Variants in SGCZ observed in about 807,000 individuals in gnomAD.
SGCZ encodes the protein sarcoglycan zeta.
A neutral mutation model predicts 41.3 loss-of-function variants in SGCZ; 40 were observed. The ratio of observed to expected loss-of-function variants is 0.97; its 90% CI spans 0.75 to 1.26. The LOEUF is 1.26. SGCZ is among the 50% of genes most tolerant of loss of function. The probability of loss-of-function intolerance (pLI) is 0.00; values close to 1 mark genes in which losing one functional copy is unlikely to be tolerated. For synonymous variants in SGCZ, 206 were observed against 137.5 expected, an observed-to-expected ratio of 1.50 and a Z score of -3.49; for missense variants, 552 against 369.8, an observed-to-expected ratio of 1.49 and a Z score of -4.04.
chr8:15,003,797 G>A (rs1802508049), intron 1 of SGCZ, among the ~76,000 whole-genome samples: 1 of 152,004 alleles, frequency 6.6e-6, no homozygotes, highest in African/African-American at 2.4e-5. Flanking sequence ...TCATGCCCAG[G>A]CCCAGTGAGT....
At chr8:14,372,571 G>A (rs2117165609) in intron 2 of SGCZ, among the ~76,000 whole-genome samples, 2 of 152,276 alleles carry the variant, frequency 1.3e-5, no homozygotes, top group Admixed American at 1.3e-4. Context: ...AGGAAGTACA[G>A]GTGGGTTAAG....
chr8:14,870,228 T>C (rs995998827), intron 1 of SGCZ, among the ~76,000 whole-genome samples: 4 of 152,060 alleles, frequency 2.6e-5, no homozygotes, highest in Non-Finnish European at 5.9e-5. Flanking sequence ...AACAGATAGA[T>C]AGACCAATGG....
At chr8:14,242,744 T>C (rs750597921) in intron 3 of SGCZ, among the ~76,000 whole-genome samples, 25 of 152,086 alleles carry the variant, frequency 1.6e-4, no homozygotes, top group Non-Finnish European at 3.2e-4. Context: ...ATGACACAGC[T>C]AAAAAAGGTA....
intron 1 of SGCZ, among the ~76,000 whole-genome samples, chr8:15,207,130 A>ATCCCTG (rs1801094070): frequency 6.6e-6 from 1 of 152,208 alleles, no homozygotes; most frequent in Non-Finnish European, 1.5e-5. Flanking sequence ...AATCACTGAA[A>ATCCCTG]TATACAGGGA....
intron 1 of SGCZ, among the ~76,000 whole-genome samples, chr8:14,808,755 A>G (rs1585279510): frequency 1.3e-5 from 2 of 151,960 alleles, no homozygotes; most frequent in African/African-American, 4.8e-5. Context: ...ACTATAAATC[A>G]TGCTGCTATA....
intron 1 of SGCZ, among the ~76,000 whole-genome samples, chr8:15,077,923 G>T (rs1326672211): frequency 6.7e-6 from 1 of 148,988 alleles, no homozygotes; most frequent in African/African-American, 2.5e-5. Flanking sequence ...ATCTTCGACT[G>T]GTCCCACAAG....
At chr8:15,133,528 T>A (rs549048794) in intron 1 of SGCZ, among the ~76,000 whole-genome samples, 1 of 152,312 alleles carries the variant, frequency 6.6e-6, no homozygotes, top group African/African-American at 2.4e-5. Flanking sequence ...TTTTACTCAC[T>A]CTTCTCTGGG....
intron 1 of SGCZ, among the ~76,000 whole-genome samples, chr8:14,923,974 T>G (rs926741274): frequency 6.6e-6 from 1 of 152,148 alleles, no homozygotes; most frequent in Admixed American, 6.5e-5. Flanking sequence ...AGGCAGCAAC[T>G]TCTGGAAAAT....
intron 4 of SGCZ, among the ~76,000 whole-genome samples, chr8:14,230,771 G>T (rs928751352): frequency 2.0e-5 from 3 of 150,454 alleles, no homozygotes; most frequent in African/African-American, 7.3e-5. Flanking sequence ...GGTGGTGGGG[G>T]GGTGGTTACT....
chr8:14,478,658 A>G (rs1801432810), intron 2 of SGCZ, among the ~76,000 whole-genome samples: 1 of 140,588 alleles, frequency 7.1e-6, no homozygotes. Flanking sequence ...AAAATAGAGT[A>G]ACTAAGAGGG....
intron 2 of SGCZ, among the ~76,000 whole-genome samples, chr8:14,394,864 G>C (rs551788047): frequency 8.5e-5 from 13 of 152,068 alleles, no homozygotes; most frequent in African/African-American, 3.1e-4. Context: ...ATGCTTCCAA[G>C]CATTATGTCA....
In SGCZ at chr8:15,152,556, C is replaced by T. The variant is rs373328036; in HGVS notation, c.39+85029G>A. ...GGAGGCAACTTATTGTGAAACACGA[C>T]AGAAGAGCAATGAAAAGCCATTATC... On this transcript the variant is annotated intron_variant, in intron 1 of 7. Transcript: ENST00000382080. Among the ~76,000 whole-genome samples the T allele has an allele frequency of 3.8e-3, 581 of 152,272 alleles. 5 individuals carry two copies. Among genetic ancestry groups the T allele is most frequent in the Middle Eastern group, 0.017 (5 of 292 alleles).
intron 1 of SGCZ, among the ~76,000 whole-genome samples, chr8:14,809,327 T>C (rs1585280139): frequency 6.6e-6 from 1 of 152,264 alleles, no homozygotes; most frequent in African/African-American, 2.4e-5. Context: ...ATATAAGATA[T>C]GCCAGGATCA....
chr8:14,707,494 A>G (rs927885940), intron 1 of SGCZ, among the ~76,000 whole-genome samples: 2 of 152,110 alleles, frequency 1.3e-5, no homozygotes, highest in Non-Finnish European at 1.5e-5. Context: ...CTGCTCAGGA[A>G]TCGATCAGCA....
chr8:14,458,103 C>T (rs1349962037), intron 2 of SGCZ, among the ~76,000 whole-genome samples: 1 of 152,072 alleles, frequency 6.6e-6, no homozygotes, highest in Non-Finnish European at 1.5e-5. Context: ...TGAGAAAAGA[C>T]TAGTACAATG....
At chr8:14,595,878 T>G (rs1346657367) in intron 1 of SGCZ, among the ~76,000 whole-genome samples, 14 of 152,172 alleles carry the variant, frequency 9.2e-5, no homozygotes, top group Admixed American at 7.9e-4. Context: ...TTTCCTGGAC[T>G]CTATGTCAGT....
At chr8:14,466,487 C>T (rs954959138) in intron 2 of SGCZ, among the ~76,000 whole-genome samples, 2 of 151,884 alleles carry the variant, frequency 1.3e-5, no homozygotes, top group South Asian at 2.1e-4. Context: ...CCACTGAGCT[C>T]CTTGGATCTT....
chr8:14,276,619 G>A (rs1470109834), intron 3 of SGCZ, among the ~76,000 whole-genome samples: 1 of 152,032 alleles, frequency 6.6e-6, no homozygotes, highest in Non-Finnish European at 1.5e-5. Context: ...CACTTGGACT[G>A]TTCTAAAAAA....
chr8:15,166,992 T>C (rs1205851063), intron 1 of SGCZ, among the ~76,000 whole-genome samples: 2 of 150,972 alleles, frequency 1.3e-5, no homozygotes, highest in Non-Finnish European at 2.9e-5. Context: ...TGACTTTTGT[T>C]TAGAAAATTG....
Sources: gnomAD v4.1 joint callset for allele counts (sites outside exome capture counted in the v4.1 genomes callset) on GRCh38, gnomAD v4.1.1 for gene constraint, MANE v1.5 for transcripts, NCBI Gene and HGNC (gene_info 2026-07-23, HGNC 2026-07-21) for gene names.